Variants in PKHD1L1 observed in about 807,000 individuals in gnomAD.
PKHD1L1 encodes PKHD1 like 1, also known as fibrocystin-L.
Under a neutral mutation model 462.9 loss-of-function variants are expected in PKHD1L1, and 434 were observed. The observed-to-expected ratio is 0.94, with a 90% confidence interval of 0.87 to 1.02. The LOEUF (loss-of-function observed/expected upper bound fraction) is 1.02, where lower values mean the gene tolerates loss of function less well. Ranked by LOEUF, PKHD1L1 falls within the 50% of genes least tolerant of loss-of-function variation. The pLI, the probability that PKHD1L1 is intolerant of heterozygous loss-of-function variation, is 0.00. For synonymous variants in PKHD1L1, 1,781 were observed against 1,750.0 expected (o/e 1.02, Z -0.44); for missense variants, 5,202 against 5,096.1 (o/e 1.02, Z -0.63).
In PKHD1L1 at chr8:109,420,588, G is replaced by C; in HGVS notation, c.2595G>C (p.Gln865His). The part of the protein sequence containing the change: ...GIFLEHFQVN[Q>H]TKTNGPTMTN... ...TCTTAGAGCACTTTCAGGTGAATCA[G>C]ACCAAAACAAATGGGCCAACTATGA... The change falls in exon 23 of 78, where the codon CAG becomes CAC. Residue 865 changes from glutamine (Q) to histidine (H), a missense_variant. Physicochemically the swap from Gln to His is conservative, Grantham distance 24. Coordinates refer to ENST00000378402, the MANE Select transcript of PKHD1L1 (RefSeq NM_177531.6). 2 of 1,610,570 alleles carry C rather than the reference G, an allele frequency of 1.2e-6. No individual in the cohort carries two copies. Among genetic ancestry groups the C allele is most frequent in the Non-Finnish European group, 1.7e-6 (2 of 1,178,350 alleles).
intron 65 of PKHD1L1, 140 bp downstream of exon 65, chr8:109,497,412 T>A: frequency 1.9e-4 from 130 of 697,390 alleles, no homozygotes; most frequent in Non-Finnish European, 2.5e-4. Context: ...CCCACTGCCC[T>A]CTGCCTAAAA....
At position 109,433,222 on chromosome 8, in the gene PKHD1L1, T is replaced by C. The variant is rs1586499519; in HGVS notation, c.3340+6T>C. ...TTCTCTTCTTTCTGTGGATGGTAGG[T>C]CCTTTTAAAAACTATTAAGTCTAAT... is the stretch of plus-strand genomic sequence containing the variant. On this transcript the variant is annotated splice_donor_region_variant and intron_variant, in intron 28 of 77. Coordinates refer to ENST00000378402, the MANE Select transcript of PKHD1L1 (RefSeq NM_177531.6). 1.3e-6 allele frequency: 2 copies of C among 1,592,906 alleles called. No homozygotes were observed. Among genetic ancestry groups the C allele is most frequent in the Non-Finnish European group, 1.7e-6 (2 of 1,163,320 alleles).
intron 12 of PKHD1L1, among the ~76,000 whole-genome samples, chr8:109,399,095 G>T (rs1813122182): frequency 1.3e-5 from 2 of 151,998 alleles, no homozygotes; most frequent in South Asian, 2.1e-4. Context: ...CTCATATCTT[G>T]TTCGCACCGT....
intron 2 of PKHD1L1, among the ~76,000 whole-genome samples, chr8:109,365,355 T>G (rs1445292288): frequency 1.3e-5 from 2 of 152,204 alleles, no homozygotes; most frequent in African/African-American, 2.4e-5. Context: ...AAATGAAAAG[T>G]TTTCATAGCT....
In PKHD1L1 at chr8:109,410,091, A is replaced by C. The variant is rs867355108; in HGVS notation, c.2085+113A>C. ...ATTAATAACTTTGTTATTCACAGTC[A>C]AATTGCAAAAATGACTTTGTTATAC... On this transcript the variant is annotated intron_variant, in intron 19 of 77. Coordinates refer to ENST00000378402, the MANE Select transcript of PKHD1L1 (RefSeq NM_177531.6). 8.5e-6 allele frequency: 5 copies of C among 585,550 alleles called. No homozygotes were observed. In the South Asian group the frequency reaches 1.7e-4, roughly 20 times the overall value. The allele number at this position is 585,550 out of a possible 1,614,324, so 36.3% of individuals were successfully genotyped here.
intron 2 of PKHD1L1, among the ~76,000 whole-genome samples, chr8:109,370,434 G>T (rs1811442266): frequency 6.6e-6 from 1 of 150,734 alleles, no homozygotes; most frequent in Non-Finnish European, 1.5e-5. Context: ...TTTTAAAAAG[G>T]GATATTAATG....
chr8:109,445,060 G>GTGCC lies in PKHD1L1; in HGVS notation c.5196_5199dup (p.Gln1734CysfsTer36). The GTGCC allele has an allele frequency of 6.2e-7, 1 of 1,613,872 alleles. No individual in the cohort carries two copies. The highest frequency in any genetic ancestry group is 1.1e-5 in the South Asian group (1 of 91,070). ...GGATGTAGATCTTCTAATACATGGA[G>GTGCC]TGCCTGCCCAGTGCCAGGGAAACTG... On this transcript the variant is annotated frameshift_variant, in exon 38 of 78. Transcript: ENST00000378402. LOFTEE classifies it high-confidence loss of function.
At chr8:109,381,269 T>C in intron 2 of PKHD1L1, 101 bp from the exon 3 acceptor site, 1 of 1,015,034 alleles carries the variant, frequency 9.9e-7, no homozygotes. Context: ...TCAGTAATGT[T>C]TATGAAATCA....
intron 4 of PKHD1L1, among the ~76,000 whole-genome samples, chr8:109,383,273 T>C (rs1812252297): frequency 9.3e-6 from 1 of 108,078 alleles, no homozygotes; most frequent in South Asian, 2.4e-4. Flanking sequence ...ATATAATATA[T>C]AATAGAATTA....
rs777560875 is a variant in PKHD1L1, at chr8:109,465,135, G to C, written c.8303G>C (p.Gly2768Ala). The C allele has an allele frequency of 1.2e-6, 2 of 1,613,792 alleles. No individual in the cohort carries two copies. Among genetic ancestry groups the C allele is most frequent in the Non-Finnish European group, 8.5e-7 (1 of 1,179,756 alleles). Residue 2768 changes from glycine to alanine, a missense_variant, in exon 49 of 78, where the codon GGG becomes GCG. Physicochemically the swap from Gly to Ala is moderately conservative, Grantham distance 60. Transcript: ENST00000378402. ...SISGVCNDRC[G>A]GWSAKFVDVQ... is the part of the protein sequence containing the mutation. ...TCTGGAGTTTGTAATGACAGATGTG[G>C]GGGTTGGAGTGCAAAGTTTGTTGAC...
At position 109,452,058 on chromosome 8, in the gene PKHD1L1, G is replaced by T. The variant is rs145971770; in HGVS notation, c.6351-66G>T. 89 of 1,445,964 alleles carry T rather than the reference G, an allele frequency of 6.2e-5. 1 individual carries two copies. The South Asian group carries it at 1.1e-3, about 19-fold the overall frequency. 89.6% of individuals were successfully genotyped at this position (1,445,964 alleles called of 1,614,324 possible). A position where few individuals can be genotyped will look rare whatever the true frequency, so the allele number is the denominator to read the frequency against. On this transcript the variant is annotated intron_variant, in intron 41 of 77. Transcript: ENST00000378402. The stretch of plus-strand genomic sequence containing the variant: ...TTGCAATAATACATAGGAATAAAAG[G>T]GTTTGACAGTGTGATCTAGATATTT...
At position 109,467,214 on chromosome 8, in the gene PKHD1L1, G is replaced by A. The variant is rs538062988; in HGVS notation, c.8605+445G>A. Among the ~76,000 whole-genome samples, 32 of 152,230 alleles carry A rather than the reference G, an allele frequency of 2.1e-4. No individual in the cohort carries two copies. The East Asian group carries it at 4.8e-3, about 23-fold the overall frequency. ...GTACAATACCTGGAACACCAGATAC[G>A]CTTGGCATCATTACCTGATTATGTT... On this transcript the variant is annotated intron_variant, in intron 50 of 77. Transcript: ENST00000378402.
Position 109,405,001 on chromosome 8 carries a change from A to G in PKHD1L1, c.1540A>G (p.Thr514Ala). 1 of 1,498,602 alleles carries G rather than the reference A, an allele frequency of 6.7e-7. No homozygotes were observed. Among genetic ancestry groups the G allele is most frequent in the South Asian group, 1.3e-5 (1 of 75,652 alleles). The allele number at this position is 1,498,602 out of a possible 1,614,324, so 92.8% of individuals were successfully genotyped here. A position where few individuals can be genotyped will look rare whatever the true frequency, so the allele number is the denominator to read the frequency against. The change falls in exon 16 of 78, where the codon ACA becomes GCA. Residue 514 changes from threonine (T) to alanine (A), a missense_variant. Thr to Ala is a moderately conservative substitution (Grantham distance 58, BLOSUM62 0). Coordinates refer to ENST00000378402, the MANE Select transcript of PKHD1L1 (RefSeq NM_177531.6). ...TTTCTTAATTGGAAAATAGGTTATA[A>G]CATTGGAAAACTGGGAAACAACTAA... ...STILQEVQVI[T>A]LENWETTNAI...
At position 109,440,579 on chromosome 8, in the gene PKHD1L1, A is replaced by G. The variant is rs966206812; in HGVS notation, c.3957-131A>G. On this transcript the variant is annotated intron_variant, in intron 32 of 77. Transcript: ENST00000378402. ...GATTATGATAATTGCCAGATTGTCT[A>G]TCTTGAAAAAGTAATGTACAGTTAA... is the stretch of plus-strand genomic sequence containing the variant. 1.4e-5 allele frequency: 10 copies of G among 690,448 alleles called. No individual in the cohort carries two copies. In the South Asian group the frequency reaches 1.5e-4, roughly 10 times the overall value. 42.8% of individuals were successfully genotyped at this position (690,448 alleles called of 1,614,324 possible).
intron 55 of PKHD1L1, chr8:109,480,532 G>A: frequency 2.2e-6 from 1 of 448,586 alleles, no homozygotes; most frequent in Non-Finnish European, 4.4e-6. Flanking sequence ...AAACCAAAGG[G>A]ACATAGATGG....
intron 23 of PKHD1L1, among the ~76,000 whole-genome samples, chr8:109,422,733 C>G (rs2130654055): frequency 6.6e-6 from 1 of 152,072 alleles, no homozygotes; most frequent in South Asian, 2.1e-4. Context: ...GGTTAAATTC[C>G]CAACAGTGCA....
chr8:109,452,722 A>G lies in PKHD1L1; in HGVS notation c.6512A>G (p.Asn2171Ser). The G allele has an allele frequency of 6.5e-7, 1 of 1,527,878 alleles. No individual in the cohort carries two copies. The highest frequency in any genetic ancestry group is 1.4e-5 in the African/African-American group (1 of 71,578). 94.6% of individuals were successfully genotyped at this position (1,527,878 alleles called of 1,614,324 possible). A position where few individuals can be genotyped will look rare whatever the true frequency, so the allele number is the denominator to read the frequency against. Residue 2171 changes from asparagine (N) to serine (S), a missense_variant, in exon 43 of 78, where the codon AAT (asparagine) becomes AGT (serine). This residue lies in a region of PKHD1L1 where 4,497 missense variants were observed against 4,336.8 expected (regional missense o/e 1.04). Coordinates refer to ENST00000378402, the MANE Select transcript of PKHD1L1 (RefSeq NM_177531.6). The part of the protein sequence containing the change: ...IRGVGMAKLD[N>S]ADFLYVDAWS... ...GTCTCTTATGTTCTATTACAGGATAATGCTGACTTTCTTTATGTTGATGCC... is the reference window on the plus strand; with the variant it reads ...GTCTCTTATGTTCTATTACAGGATAGTGCTGACTTTCTTTATGTTGATGCC...
At position 109,475,781 on chromosome 8, in the gene PKHD1L1, G is replaced by C. The variant is rs535183343; in HGVS notation, c.8757+512G>C. Among the ~76,000 whole-genome samples, 5 of 149,616 alleles carry C rather than the reference G, an allele frequency of 3.3e-5. No individual in the cohort carries two copies. In the East Asian group the frequency reaches 9.8e-4, roughly 29 times the overall value. On this transcript the variant is annotated intron_variant, in intron 51 of 77. Coordinates refer to ENST00000378402, the MANE Select transcript of PKHD1L1 (RefSeq NM_177531.6). ...GAGAATCGCTTGAACCCAAGAGGCA[G>C]AGGTTGCAGTGAACCAAGATCGCCC...
At position 109,491,803 on chromosome 8, in the gene PKHD1L1, T is replaced by C. The variant is rs952514392; in HGVS notation, c.10115-70T>C. 195 of 1,364,446 alleles carry C rather than the reference T, an allele frequency of 1.4e-4. No individual in the cohort carries two copies. The East Asian group carries it at 4.6e-3, about 32-fold the overall frequency. The allele number at this position is 1,364,446 out of a possible 1,614,324, so 84.5% of individuals were successfully genotyped here. ...TTATGGAAAAATCAAAAGACATTAC[T>C]CCTAATAGTCGTTGCAAATTGACTT... On this transcript the variant is annotated intron_variant, in intron 61 of 77. Transcript: ENST00000378402.
Sources: gnomAD v4.1 joint callset for allele counts (sites outside exome capture counted in the v4.1 genomes callset) on GRCh38, gnomAD v4.1.1 for gene constraint, gnomAD v4.1.1 regional missense constraint, MANE v1.5 for transcripts, NCBI Gene and HGNC (gene_info 2026-07-23, HGNC 2026-07-21) for gene names.